KLK12: variants seen among roughly 807,000 people sequenced by gnomAD.
KLK12 encodes the protein kallikrein related peptidase 12.
Under a neutral mutation model 20.0 loss-of-function variants are expected in KLK12, and 23 were observed. The ratio of observed to expected loss-of-function variants is 1.15; its 90% CI spans 0.83 to 1.63. The LOEUF is 1.63. Among genes scored for constraint, KLK12 ranks in the 40% most tolerant of loss-of-function variants. The pLI, the probability that KLK12 is intolerant of heterozygous loss-of-function variation, is 0.00. For synonymous variants in KLK12, 147 were observed against 141.9 expected (o/e 1.04, Z -0.25); for missense variants, 351 against 338.6 (o/e 1.04, Z -0.29).
At chr19:51,030,380 G>T (rs943350740) in intron 5 of KLK12, among the ~76,000 whole-genome samples, 1 of 149,744 alleles carries the variant, frequency 6.7e-6, no homozygotes, top group African/African-American at 2.5e-5. Flanking sequence ...GACAGAGTCT[G>T]GCTCTGTCGC....
At chr19:51,034,758 T>C in intron 1 of KLK12, 48 bp downstream of exon 1, 1 of 1,526,576 alleles carries the variant, frequency 6.6e-7, no homozygotes, top group Non-Finnish European at 8.8e-7. Flanking sequence ...CTCTACCTGC[T>C]CCCCTGTGTG....
Position 51,034,893 on chromosome 19 carries a change from C to T in KLK12, c.-107G>A. 1.5e-6 allele frequency: 2 copies of T among 1,368,216 alleles called. No individual in the cohort carries two copies. Among genetic ancestry groups the T allele is most frequent in the Non-Finnish European group, 1.9e-6 (2 of 1,057,324 alleles). 84.8% of individuals were successfully genotyped at this position (1,368,216 alleles called of 1,614,324 possible). ...GCTATCTCTCCGTCCACCTACCTGC[C>T]TGTCTTCTCATGTGCTGGCCACTCC... On this transcript the variant is annotated 5_prime_UTR_variant, in exon 1 of 6. Transcript: ENST00000684732.
intron 2 of KLK12, 119 bp from the exon 3 acceptor site, chr19:51,034,258 G>T: frequency 8.2e-7 from 1 of 1,221,390 alleles, no homozygotes; most frequent in Non-Finnish European, 1.2e-6. Flanking sequence ...AGACGAGAAA[G>T]AGAGAGAAAG....
chr19:51,034,420 A>G, intron 2 of KLK12, 165 bp downstream of exon 2: 23 of 1,470,424 alleles, frequency 1.6e-5, no homozygotes, highest in Non-Finnish European at 2.1e-5. Flanking sequence ...CGAGGTGAGC[A>G]GTACCCTGAG....
chr19:51,029,304 A>G lies in KLK12; in HGVS notation c.745T>C (p.Ter249ArgextTer11), dbSNP rs1165871325. The change falls in exon 6 of 6, where the codon TGA becomes CGA. Residue 249 changes from the stop codon to arginine, a stop_lost. Transcript: ENST00000684732. ...GGGGTGGAGGTGGAGGAAACAGGTC[A>G]GTTGTTCCTCATGATCATCCGGATC... The part of the protein sequence containing the change: ...DWIRMIMRNN[*>R] 6.2e-6 allele frequency: 10 copies of G among 1,614,064 alleles called. No homozygotes were observed. The highest frequency in any genetic ancestry group is 1.6e-4 in the Middle Eastern group (1 of 6,062).
intron 5 of KLK12, 67 bp downstream of exon 5, chr19:51,030,721 C>T: frequency 1.9e-6 from 3 of 1,600,306 alleles, no homozygotes; most frequent in Non-Finnish European, 1.7e-6. Flanking sequence ...CAGTTCCCCT[C>T]CTGCTTCCAG....
At position 51,032,138 on chromosome 19, in the gene KLK12, G is replaced by C; in HGVS notation, c.198-3C>G. The C allele has an allele frequency of 6.3e-7, 1 of 1,597,064 alleles. No individual in the cohort carries two copies. The highest frequency in any genetic ancestry group is 8.5e-7 in the Non-Finnish European group (1 of 1,176,338). ...CCCCCAGGCGCACCCAGTACCTGCT[G>C]CCGGTGGCGACGGCTGAGCGGGTGG... On this transcript the variant is annotated splice_polypyrimidine_tract_variant and splice_region_variant and intron_variant, in intron 3 of 5. Coordinates refer to ENST00000684732, the MANE Select transcript of KLK12 (RefSeq NM_001370125.1).
At chr19:51,033,215 G>C (rs2091577672) in intron 3 of KLK12, among the ~76,000 whole-genome samples, 1 of 136,280 alleles carries the variant, frequency 7.3e-6, no homozygotes, top group African/African-American at 2.7e-5. Context: ...GCAAGACTCT[G>C]TCTCCAAAAA....
At position 51,034,152 on chromosome 19, in the gene KLK12, A is replaced by G; in HGVS notation, c.38-13T>C. On this transcript the variant is annotated splice_polypyrimidine_tract_variant and intron_variant, in intron 2 of 5. Coordinates refer to ENST00000684732, the MANE Select transcript of KLK12 (RefSeq NM_001370125.1). Reference sequence around the variant, plus strand: ...GCCTGGCTGAGCCCTGGAGACAGACAGGGGCATGGGTCAGAGAGAGGAAGA... The same window carrying G: ...GCCTGGCTGAGCCCTGGAGACAGACGGGGGCATGGGTCAGAGAGAGGAAGA... 6.4e-7 allele frequency: 1 copy of G among 1,551,818 alleles called. No individual in the cohort carries two copies. The highest frequency in any genetic ancestry group is 8.7e-7 in the Non-Finnish European group (1 of 1,147,054).
chr19:51,034,227 G>GGA (rs2091589586), intron 2 of KLK12, 88 bp from the exon 3 acceptor site: 3 of 1,407,852 alleles, frequency 2.1e-6, no homozygotes, highest in Admixed American at 2.0e-5. Context: ...GAAACAGGCA[G>GGA]GAGAGAGAGA....
chr19:51,034,176 G>A, intron 2 of KLK12, 37 bp from the exon 3 acceptor site: 1 of 1,548,720 alleles, frequency 6.5e-7, no homozygotes, highest in Non-Finnish European at 8.7e-7. Context: ...GAGAGAGGAA[G>A]AAAAGATACA....
chr19:51,031,529 G>C (rs1260831266), intron 4 of KLK12, among the ~76,000 whole-genome samples: 2 of 149,156 alleles, frequency 1.3e-5, no homozygotes, highest in African/African-American at 4.9e-5. Context: ...TGGATCCCAT[G>C]ACCTTAATTC....
chr19:51,034,315 C>G, intron 2 of KLK12, 176 bp from the exon 3 acceptor site: 1 of 1,135,156 alleles, frequency 8.8e-7, no homozygotes, highest in Non-Finnish European at 1.2e-6. Flanking sequence ...ATCAAAGACA[C>G]CCAGGGAGAA....
At chr19:51,031,766 C>A (rs2091560112) in intron 4 of KLK12, 110 bp downstream of exon 4, 2 of 1,244,096 alleles carry the variant, frequency 1.6e-6, no homozygotes, top group African/African-American at 1.5e-5. Flanking sequence ...CCATCCCACA[C>A]CCTGACCCTT....
chr19:51,032,204 T>TTC, intron 3 of KLK12, 69 bp from the exon 4 acceptor site: 1 of 1,517,552 alleles, frequency 6.6e-7, no homozygotes, highest in Non-Finnish European at 8.8e-7. Context: ...CCACGGACAC[T>TTC]CAGGCGCTCC....
chr19:51,033,780 G>A (rs550177382), intron 3 of KLK12, 200 bp downstream of exon 3: 6 of 631,932 alleles, frequency 9.5e-6, no homozygotes, highest in East Asian at 5.6e-5. Context: ...GACCCTCCCC[G>A]GCCCTCCACC....
intron 3 of KLK12, 121 bp from the exon 4 acceptor site, chr19:51,032,256 A>C (rs1599770622): frequency 1.8e-6 from 2 of 1,107,870 alleles, no homozygotes; most frequent in Non-Finnish European, 2.6e-6. Flanking sequence ...CTGTCCTCTC[A>C]CCCGCAACTC....
intron 5 of KLK12, 58 bp from the exon 6 acceptor site, chr19:51,029,515 C>A (rs1261981774): frequency 8.4e-6 from 12 of 1,432,024 alleles, no homozygotes; most frequent in Non-Finnish European, 1.2e-5. Context: ...CTGTTTTCCT[C>A]CCCAACCCTT....
At position 51,031,970 on chromosome 19, in the gene KLK12, G is replaced by T. The variant is rs767905406; in HGVS notation, c.363C>A (p.Thr121=). Reference sequence around the variant, plus strand: ...GCAGGGGCAGGGGTTGAACGCTGCTGGTTACGCGGACGGGCAGGCGCAGCC... The same window carrying T: ...GCAGGGGCAGGGGTTGAACGCTGCTTGTTACGCGGACGGGCAGGCGCAGCC... The part of the protein sequence containing the change: ...LLRLRLPVRV[T]SSVQPLPLPN... Residue 121 remains threonine (T), a synonymous_variant, in exon 4 of 6, where the codon ACC becomes ACA. Transcript: ENST00000684732. 1 of 1,613,352 alleles carries T rather than the reference G, an allele frequency of 6.2e-7. No individual in the cohort carries two copies. The highest frequency in any genetic ancestry group is 8.5e-7 in the Non-Finnish European group (1 of 1,179,736).
Sources: allele counts gnomAD v4.1 joint callset (sites outside exome capture counted in the v4.1 genomes callset), GRCh38; gene constraint gnomAD v4.1.1; transcripts MANE v1.5; gene names NCBI Gene and HGNC (gene_info 2026-07-23, HGNC 2026-07-21).